The following GNAI2 variants were observed in gnomAD, a reference collection of about 807,000 sequenced individuals.
GNAI2 encodes G protein subunit alpha i2.
GNAI2 carries 4 observed loss-of-function variants against 36.8 expected under a neutral mutation model. The observed-to-expected ratio is 0.11, with a 90% confidence interval of 0.05 to 0.25. The LOEUF is 0.25. GNAI2 is among the 10% of genes least tolerant of loss of function. The probability of loss-of-function intolerance (pLI) is 1.00; values close to 1 mark genes in which losing one functional copy is unlikely to be tolerated. For synonymous variants in GNAI2, 194 were observed against 194.1 expected (o/e 1.00, Z 0.01); for missense variants, 230 against 481.3 (o/e 0.48, Z 4.89).
rs1244798288 is a variant in GNAI2 at position 50,259,023 on chromosome 3, C to T, written c.*680C>T. 3 of 428,570 alleles carry T rather than the reference C, an allele frequency of 7.0e-6. No individual in the cohort carries two copies. Among genetic ancestry groups the T allele is most frequent in the Admixed American group, 3.0e-5 (1 of 33,534 alleles). 26.5% of individuals were successfully genotyped at this position (428,570 alleles called of 1,614,324 possible). A position where few individuals can be genotyped will look rare whatever the true frequency, so the allele number is the denominator to read the frequency against. On this transcript the variant is annotated 3_prime_UTR_variant, in exon 9 of 9. Transcript: ENST00000313601. ...TGACTCCGTGCCTTGAGTGTGTCTG[C>T]GTGTTTACACCCGTCCCTCTGCTGG...
chr3:50,227,125 T>G, upstream of GNAI2: 1 of 1,412,012 alleles, frequency 7.1e-7, no homozygotes, highest in Non-Finnish European at 9.3e-7. This position sits in a 1 kb window ranked among gnomAD's most constrained non-coding sequence, Gnocchi z 5.9. Flanking sequence ...GAGCGTCTCA[T>G]GACGGAGGGT....
chr3:50,231,655 G>A (rs1034396234), upstream of GNAI2, among the ~76,000 whole-genome samples: 5 of 152,174 alleles, frequency 3.3e-5, no homozygotes, highest in African/African-American at 9.7e-5. Flanking sequence ...AGAGACCCAC[G>A]ACCAGAATAG....
chr3:50,244,514 G>A lies in GNAI2; in HGVS notation c.119-7586G>A, dbSNP rs193161760. On this transcript the variant is annotated intron_variant, in intron 1 of 8. Transcript: ENST00000313601. The stretch of plus-strand genomic sequence containing the variant: ...CTCAGAAGCTATTGAAGTCCATGGT[G>A]AGGGCCTCTGAGACTGGGAATTGTC... Among the ~76,000 whole-genome samples, 4 of 152,340 alleles carry A rather than the reference G, an allele frequency of 2.6e-5. No individual in the cohort carries two copies. In the East Asian group the frequency reaches 7.7e-4, roughly 29 times the overall value.
chr3:50,246,747 G>A, intron 1 of GNAI2: 1 of 443,466 alleles, frequency 2.3e-6, no homozygotes. Context: ...TCTCTCCAGG[G>A]AGGTGTGCCT....
At chr3:50,227,114 G>GGAGC (rs1699987953), upstream of GNAI2, 4 of 1,371,028 alleles carry the variant, frequency 2.9e-6, no homozygotes, top group South Asian at 6.4e-5. This position sits in a 1 kb window ranked among gnomAD's most constrained non-coding sequence, Gnocchi z 5.9. Flanking sequence ...CGAGAAGGAG[G>GGAGC]GAGCGTCTCA....
chr3:50,230,572 A>C (rs2109170585), upstream of GNAI2: 1 of 152,466 alleles, frequency 6.6e-6, no homozygotes, highest in African/African-American at 2.4e-5. Flanking sequence ...CAGCCCACTG[A>C]GAGGGTCTTC....
At chr3:50,256,877 G>A in intron 6 of GNAI2, 25 bp downstream of exon 6, 3 of 1,613,874 alleles carry the variant, frequency 1.9e-6, no homozygotes, top group Non-Finnish European at 2.5e-6. Flanking sequence ...GAATGCTGCG[G>A]GTGGGGGCAG....
Position 50,252,224 on chromosome 3 carries a change from G to T in GNAI2, c.161+82G>T. 2 of 1,475,512 alleles carry T rather than the reference G, an allele frequency of 1.4e-6. No individual in the cohort carries two copies. Among genetic ancestry groups the T allele is most frequent in the Admixed American group, 3.4e-5 (2 of 58,790 alleles). The allele number at this position is 1,475,512 out of a possible 1,614,324, so 91.4% of individuals were successfully genotyped here. A position where few individuals can be genotyped will look rare whatever the true frequency, so the allele number is the denominator to read the frequency against. ...TGGGCCTGCACTGCCCCCGACTACA[G>T]GCCCAGCCAGTCTTAGCCAGGCCCA... On this transcript the variant is annotated intron_variant, in intron 2 of 8. Coordinates refer to ENST00000313601, the MANE Select transcript of GNAI2 (RefSeq NM_002070.4). This position sits in a 1 kb window ranked among gnomAD's most constrained non-coding sequence, Gnocchi z 4.1.
Position 50,252,915 on chromosome 3 carries a change from A to G in GNAI2, c.304-109A>G. On this transcript the variant is annotated intron_variant, in intron 3 of 8. Coordinates refer to ENST00000313601, the MANE Select transcript of GNAI2 (RefSeq NM_002070.4). This position sits in a 1 kb window ranked among gnomAD's most constrained non-coding sequence, Gnocchi z 4.1. Reference sequence around the variant, plus strand: ...AAGGTTTTAGGGCAAGTCTCATCCTAGGGAATCCAAGAATACCCTAGCCTG... The same window carrying G: ...AAGGTTTTAGGGCAAGTCTCATCCTGGGGAATCCAAGAATACCCTAGCCTG... The G allele has an allele frequency of 1.2e-6, 1 of 850,978 alleles. No homozygotes were observed. The highest frequency in any genetic ancestry group is 1.8e-6 in the Non-Finnish European group (1 of 543,246). The allele number at this position is 850,978 out of a possible 1,614,324, so 52.7% of individuals were successfully genotyped here.
At chr3:50,230,765 G>T, upstream of GNAI2, 6 of 977,984 alleles carry the variant, frequency 6.1e-6, no homozygotes, top group Non-Finnish European at 7.3e-6. Flanking sequence ...GTCCTTTATG[G>T]TCTAGTCCAA....
rs1553702777 is a variant in GNAI2, at chr3:50,253,118, C to G, written c.398C>G (p.Ala133Gly). Residue 133 changes from alanine to glycine, a missense_variant, in exon 4 of 9, where the codon GCT becomes GGT. Ala to Gly is a moderately conservative substitution (Grantham distance 60, BLOSUM62 0). Coordinates refer to ENST00000313601, the MANE Select transcript of GNAI2 (RefSeq NM_002070.4). This position sits in a 1 kb window ranked among gnomAD's most constrained non-coding sequence, Gnocchi z 4.2. ...DLSGVIRRLW[A>G]DHGVQACFGR... is the part of the protein sequence containing the mutation. ...TCCGGCGTCATCCGGAGGCTCTGGG[C>G]TGACCATGGTGTGCAGGCCTGCTTT... is the stretch of plus-strand genomic sequence containing the variant. 2 of 1,613,718 alleles carry G rather than the reference C, an allele frequency of 1.2e-6. No homozygotes were observed. Among genetic ancestry groups the G allele is most frequent in the Admixed American group, 3.3e-5 (2 of 60,030 alleles).
At chr3:50,230,388 C>A, upstream of GNAI2, 1 of 152,372 alleles carries the variant, frequency 6.6e-6, no homozygotes, top group Non-Finnish European at 1.5e-5. Flanking sequence ...CCAGGGACTC[C>A]CTGTCATCTG....
At chr3:50,227,109 A>AG (rs748371795), upstream of GNAI2, 14 of 1,363,340 alleles carry the variant, frequency 1.0e-5, no homozygotes, top group East Asian at 3.0e-4. The surrounding 1 kb of genome is among the most constrained non-coding windows in gnomAD (Gnocchi z 5.9). Context: ...AAGCGCGAGA[A>AG]GGAGGGAGCG....
intron 1 of GNAI2, 174 bp from the exon 2 acceptor site, chr3:50,251,925 GC>G (rs1362788274): frequency 2.3e-6 from 2 of 885,490 alleles, no homozygotes; most frequent in Admixed American, 2.8e-5. Context: ...CTGTGGCCCT[GC>G]CAGCTGCATT....
At chr3:50,228,917 T>G (rs1163475269), upstream of GNAI2, 2 of 152,238 alleles carry the variant, frequency 1.3e-5, no homozygotes, top group African/African-American at 4.8e-5. Flanking sequence ...AGTGACCAGC[T>G]TCCCTCCCGC....
Position 50,252,003 on chromosome 3 carries a change from A to T in GNAI2, c.119-97A>T. ...TCACGGTGCAGCTGGTGGGAAGGTTAGTTCTGCCTCCTGGGCTACAGGTGT... is the reference window on the plus strand; with the variant it reads ...TCACGGTGCAGCTGGTGGGAAGGTTTGTTCTGCCTCCTGGGCTACAGGTGT... On this transcript the variant is annotated intron_variant, in intron 1 of 8. Transcript: ENST00000313601. The surrounding 1 kb of genome is among the most constrained non-coding windows in gnomAD (Gnocchi z 4.1). The T allele has an allele frequency of 1.6e-6, 2 of 1,213,774 alleles. No individual in the cohort carries two copies. The highest frequency in any genetic ancestry group is 2.4e-6 in the Non-Finnish European group (2 of 839,748). 75.2% of individuals were successfully genotyped at this position (1,213,774 alleles called of 1,614,324 possible). A position where few individuals can be genotyped will look rare whatever the true frequency, so the allele number is the denominator to read the frequency against.
Position 50,236,587 on chromosome 3 carries a change from G to A in GNAI2, c.118+134G>A. On this transcript the variant is annotated intron_variant, in intron 1 of 8. Transcript: ENST00000313601. This position sits in a 1 kb window ranked among gnomAD's most constrained non-coding sequence, Gnocchi z 4.0. ...GACCCCACACCTGGGCCAGGACCAG[G>A]GTTGAAAACTCTAGATTGGACTAGA... 7.9e-7 allele frequency: 1 copy of A among 1,267,834 alleles called. No homozygotes were observed. The highest frequency in any genetic ancestry group is 1.6e-5 in the South Asian group (1 of 64,042). 78.5% of individuals were successfully genotyped at this position (1,267,834 alleles called of 1,614,324 possible).
intron 8 of GNAI2, chr3:50,257,929 C>T: frequency 2.2e-6 from 1 of 449,886 alleles, no homozygotes. Flanking sequence ...AGGCCTGGCC[C>T]AGTGGTCCAG....
rs1700301278 is a variant in GNAI2, at chr3:50,241,627, A to G, written c.118+5174A>G. ...CAGGCGGGTTGGGGAGAGGAACCCC[A>G]GACAGAGGGCAGAGCAGGTGTGAGG... On this transcript the variant is annotated intron_variant, in intron 1 of 8. Transcript: ENST00000313601. This position sits in a 1 kb window ranked among gnomAD's most constrained non-coding sequence, Gnocchi z 5.0. Among the ~76,000 whole-genome samples the G allele has an allele frequency of 6.6e-6, 1 of 152,194 alleles. No homozygotes were observed. Among genetic ancestry groups the G allele is most frequent in the African/African-American group, 2.4e-5 (1 of 41,434 alleles).
Sources: allele counts gnomAD v4.1 joint callset (sites outside exome capture counted in the v4.1 genomes callset), GRCh38; gene constraint gnomAD v4.1.1; non-coding constraint Gnocchi (gnomAD v3.1); transcripts MANE v1.5; gene names NCBI Gene and HGNC (gene_info 2026-07-23, HGNC 2026-07-21).